RIN2: variants seen among roughly 807,000 people sequenced by gnomAD.
The protein encoded by RIN2 is Ras and Rab interactor 2.
A neutral mutation model predicts 78.0 loss-of-function variants in RIN2; 36 were observed. The observed-to-expected ratio is 0.46, with a 90% CI of 0.35 to 0.61. RIN2 has a LOEUF of 0.61. Ranked by LOEUF, RIN2 falls within the 20% of genes least tolerant of loss-of-function variation. The pLI is 0.00. For missense variants in RIN2, 1,087 were observed against 1,159.7 expected (o/e 0.94, Z 0.91); for synonymous variants, 466 against 466.8 (o/e 1.00, Z 0.02).
At chr20:19,820,781 C>T (rs1362418181) in intron 2 of RIN2, among the ~76,000 whole-genome samples, 2 of 152,190 alleles carry the variant, frequency 1.3e-5, no homozygotes, top group Non-Finnish European at 1.5e-5. Context: ...TAGGTCTGGA[C>T]TGGAGCCTGA....
chr20:19,876,281 C>A (rs1222649315), intron 2 of RIN2, among the ~76,000 whole-genome samples: 2 of 152,194 alleles, frequency 1.3e-5, no homozygotes, highest in Admixed American at 6.5e-5. Flanking sequence ...AAAGATCTGA[C>A]TTCTATCCTC....
intron 2 of RIN2, among the ~76,000 whole-genome samples, chr20:19,834,751 T>C (rs149003021): frequency 6.6e-6 from 1 of 152,302 alleles, no homozygotes; most frequent in African/African-American, 2.4e-5. Context: ...CAATCTTCTG[T>C]CTTTTAAGTT....
chr20:19,975,184 G>GAGCTGGAGCTGGGCAC lies in RIN2; in HGVS notation c.1166_1181dup (p.Ser395AlafsTer13). 6.2e-7 allele frequency: 1 copy of GAGCTGGAGCTGGGCAC among 1,607,508 alleles called. No homozygotes were observed. The highest frequency in any genetic ancestry group is 8.5e-7 in the Non-Finnish European group (1 of 1,177,298). On this transcript the variant is annotated frameshift_variant, in exon 9 of 13. Coordinates refer to ENST00000255006, the MANE Select transcript of RIN2 (RefSeq NM_018993.4). LOFTEE classifies it high-confidence loss of function. The surrounding 1 kb of genome is among the most constrained non-coding windows in gnomAD (Gnocchi z 4.9). ...CGGCGGCCGGCCGGGCGCAGGCCCG[G>GAGCTGGAGCTGGGCAC]AGCTGGAGCTGGGCACAGCTGGCAG...
intron 1 of RIN2, among the ~76,000 whole-genome samples, chr20:19,786,339 G>C (rs1308706432): frequency 6.6e-6 from 1 of 152,198 alleles, no homozygotes; most frequent in Non-Finnish European, 1.5e-5. Flanking sequence ...CAGTTAGACT[G>C]TTCTGAGGCT....
intron 2 of RIN2, among the ~76,000 whole-genome samples, chr20:19,827,661 C>T (rs2036133928): frequency 6.6e-6 from 1 of 152,144 alleles, no homozygotes; most frequent in African/African-American, 2.4e-5. Context: ...TCCAGGTACG[C>T]CCTTATGACC....
At chr20:19,836,156 C>T (rs1398965350) in intron 2 of RIN2, among the ~76,000 whole-genome samples, 1 of 152,186 alleles carries the variant, frequency 6.6e-6, no homozygotes, top group Admixed American at 6.5e-5. Context: ...CATCTGGTGA[C>T]ATCAGATGCT....
intron 3 of RIN2, among the ~76,000 whole-genome samples, chr20:19,904,785 G>A (rs574365144): frequency 5.3e-5 from 8 of 152,262 alleles, no homozygotes; most frequent in South Asian, 4.1e-4. Context: ...AAGCTCACCC[G>A]GCATTAGCAC....
At chr20:19,959,521 G>A (rs2041668193) in intron 5 of RIN2, among the ~76,000 whole-genome samples, 1 of 152,078 alleles carries the variant, frequency 6.6e-6, no homozygotes, top group Non-Finnish European at 1.5e-5. Flanking sequence ...GAGAACTCAC[G>A]GTCTTCCAGC....
chr20:19,981,276 CA>C (rs1035332723), intron 9 of RIN2, among the ~76,000 whole-genome samples: 2 of 152,168 alleles, frequency 1.3e-5, no homozygotes, highest in Non-Finnish European at 2.9e-5. Context: ...AAGGTGACCT[CA>C]GAGGTGAAGG....
At chr20:19,819,554 A>T (rs2035869534) in intron 2 of RIN2, among the ~76,000 whole-genome samples, 1 of 152,204 alleles carries the variant, frequency 6.6e-6, no homozygotes, top group African/African-American at 2.4e-5. Context: ...TTGAAATCGT[A>T]TATGTATGAG....
chr20:19,771,875 C>T (rs975139777), intron 1 of RIN2, among the ~76,000 whole-genome samples: 30 of 152,214 alleles, frequency 2.0e-4, no homozygotes, highest in Non-Finnish European at 2.8e-4. Context: ...CCTGCCTCCT[C>T]CTGCCTCCTC....
intron 11 of RIN2, among the ~76,000 whole-genome samples, chr20:19,994,031 C>T (rs1355797308): frequency 1.3e-5 from 2 of 152,242 alleles, no homozygotes; most frequent in African/African-American, 2.4e-5. Context: ...CTGCCCCTTT[C>T]CCAGATTGGC....
intron 2 of RIN2, chr20:19,886,723 A>G (rs2038212920): frequency 1.3e-6 from 2 of 1,550,210 alleles, no homozygotes; most frequent in Non-Finnish European, 1.7e-6. Context: ...AAGCCAGGAA[A>G]AGAACAAGCT....
intron 3 of RIN2, among the ~76,000 whole-genome samples, chr20:19,892,100 C>T (rs1255642394): frequency 2.0e-5 from 3 of 152,186 alleles, no homozygotes; most frequent in African/African-American, 7.2e-5. Flanking sequence ...TGAGATCTGC[C>T]ATGTAACCTC....
rs557055668 is a variant in RIN2, at chr20:19,850,615, G to A, written c.-36-38951G>A. Among the ~76,000 whole-genome samples, 4 of 152,290 alleles carry A rather than the reference G, an allele frequency of 2.6e-5. No individual in the cohort carries two copies. In the South Asian group the frequency reaches 8.3e-4, roughly 32 times the overall value. The stretch of plus-strand genomic sequence containing the variant: ...CTTGTATTATCCAACACATGCCCCT[G>A]GTGCAGTGTATTTGGTTTTAAAACC... On this transcript the variant is annotated intron_variant, in intron 2 of 12. Transcript: ENST00000255006.
chr20:19,912,475 C>CT (rs545323465), intron 3 of RIN2, among the ~76,000 whole-genome samples: 51,448 of 110,996 alleles, frequency 0.46, 12,674 homozygotes, highest in East Asian at 0.78. Context: ...TTTTCTTTTT[C>CT]TTTTTTTTTT....
chr20:19,995,030 G>A (rs1287086898), intron 11 of RIN2, among the ~76,000 whole-genome samples: 2 of 151,994 alleles, frequency 1.3e-5, no homozygotes, highest in Non-Finnish European at 2.9e-5. Context: ...TTTCTTTCTC[G>A]TGTTCATGTC....
At chr20:19,783,458 G>A (rs1346019441) in intron 1 of RIN2, among the ~76,000 whole-genome samples, 12 of 152,122 alleles carry the variant, frequency 7.9e-5, no homozygotes, top group Non-Finnish European at 1.8e-4. Context: ...TTCCTGCCCT[G>A]TTTGGATGGG....
chr20:19,838,635 G>T (rs751441720), intron 2 of RIN2, among the ~76,000 whole-genome samples: 31 of 152,264 alleles, frequency 2.0e-4, no homozygotes, highest in East Asian at 1.9e-4. Context: ...GCTGGAGCTG[G>T]CTGCTTCCAG....
Sources: allele counts gnomAD v4.1 joint callset (sites outside exome capture counted in the v4.1 genomes callset), GRCh38; gene constraint gnomAD v4.1.1; non-coding constraint Gnocchi (gnomAD v3.1); transcripts MANE v1.5; gene names NCBI Gene and HGNC (gene_info 2026-07-23, HGNC 2026-07-21).